CRTC1: variants seen among roughly 807,000 people sequenced by gnomAD.
The protein encoded by CRTC1 is CREB-regulated transcription coactivator 1.
In CRTC1, 18 loss-of-function variants were observed where a neutral mutation model predicts 66.1. That is an observed-to-expected ratio of 0.27 (90% CI 0.19 to 0.40). The LOEUF is 0.40. Among genes scored for constraint, CRTC1 ranks in the 10% least tolerant of loss-of-function variants. CRTC1 has a pLI of 1.00. For missense variants in CRTC1, 669 were observed against 887.9 expected, an observed-to-expected ratio of 0.75 and a Z score of 3.13; for synonymous variants, 416 against 398.8, an observed-to-expected ratio of 1.04 and a Z score of -0.51.
chr19:18,746,998 G>A, intron 3 of CRTC1, 55 bp from the exon 4 acceptor site: 1 of 1,544,886 alleles, frequency 6.5e-7, no homozygotes, highest in Non-Finnish European at 8.9e-7. Context: ...GGCTGAGAGT[G>A]TGTTGTTGGA....
In CRTC1 at chr19:18,747,129, A is replaced by AACCC. The variant is rs2054259504; in HGVS notation, c.443+15_443+16insACCC. 1.4e-5 allele frequency: 15 copies of AACCC among 1,109,950 alleles called. No homozygotes were observed. Among genetic ancestry groups the AACCC allele is most frequent in the East Asian group, 6.1e-5 (2 of 32,682 alleles). 68.8% of individuals were successfully genotyped at this position (1,109,950 alleles called of 1,614,324 possible). On this transcript the variant is annotated intron_variant, in intron 4 of 13. Transcript: ENST00000321949. ...AGCTGGAGAAGGTCAGTGGCTGGAC[A>AACCC]CCCCCCCCCCGCCCCCTTCTTGTTG... is the stretch of plus-strand genomic sequence containing the variant.
intron 1 of CRTC1, among the ~76,000 whole-genome samples, chr19:18,742,205 C>T (rs959300740): frequency 9.9e-5 from 15 of 152,170 alleles, no homozygotes; most frequent in Admixed American, 1.3e-4. Context: ...TCAGAGTCAG[C>T]GTGACCCATC....
intron 8 of CRTC1, among the ~76,000 whole-genome samples, chr19:18,763,995 C>T (rs1040813397): frequency 1.3e-5 from 2 of 152,152 alleles, no homozygotes; most frequent in African/African-American, 4.8e-5. Context: ...CCAGGGCCTG[C>T]AAAGGGCGCT....
rs747279199 is a variant in CRTC1, at chr19:18,753,526, G to A, written c.565G>A (p.Glu189Lys). The change falls in exon 6 of 14, where the codon GAA becomes AAA. Residue 189 changes from glutamate to lysine, a missense_variant. By Grantham distance (56) the Glu-to-Lys change is moderately conservative (BLOSUM62 1). Coordinates refer to ENST00000321949, the MANE Select transcript of CRTC1 (RefSeq NM_015321.3). ...RVLLLTVPGM[E>K]ETTSEADKNL... ...CTTACTGTTAACAGTCCCAGGAATG[G>A]AAGAGACCACATCAGAGGCAGACAA... is the stretch of plus-strand genomic sequence containing the variant. 1.2e-6 allele frequency: 2 copies of A among 1,612,982 alleles called. No individual in the cohort carries two copies. Among genetic ancestry groups the A allele is most frequent in the South Asian group, 2.2e-5 (2 of 90,948 alleles).
intron 1 of CRTC1, 37 bp downstream of exon 1, chr19:18,683,865 C>CGGAG (rs758202111): frequency 4.7e-6 from 5 of 1,058,796 alleles, no homozygotes; most frequent in Admixed American, 4.3e-5. Context: ...TCAGGGCCGG[C>CGGAG]GGAGGGAGGG....
intron 1 of CRTC1, among the ~76,000 whole-genome samples, chr19:18,723,339 C>T (rs148292874): frequency 3.9e-5 from 6 of 152,258 alleles, no homozygotes; most frequent in South Asian, 2.1e-4. Context: ...GTCCACCTAC[C>T]GTTTGTAAGT....
At chr19:18,701,200 G>A (rs1421856930) in intron 1 of CRTC1, among the ~76,000 whole-genome samples, 2 of 152,230 alleles carry the variant, frequency 1.3e-5, no homozygotes, top group Admixed American at 6.5e-5. Flanking sequence ...CTGCCTGCTC[G>A]CGGGCCCGCC....
chr19:18,728,060 G>A (rs1201563162), intron 1 of CRTC1, among the ~76,000 whole-genome samples: 4 of 152,064 alleles, frequency 2.6e-5, no homozygotes, highest in African/African-American at 9.7e-5. Context: ...GAGCTGTGCG[G>A]GAAACATCTC....
Position 18,771,792 on chromosome 19 carries a change from C to T in CRTC1, c.1425+246C>T, listed in dbSNP as rs2054875219. ...CTGCTGAACACTAGGTGGGGGTGTG[C>T]GTTAGTGACATTAGCGATGGCTGTG... On this transcript the variant is annotated intron_variant, in intron 11 of 13. Coordinates refer to ENST00000321949, the MANE Select transcript of CRTC1 (RefSeq NM_015321.3). The surrounding 1 kb of genome is among the most constrained non-coding windows in gnomAD (Gnocchi z 4.6). 6.6e-6 allele frequency among the ~76,000 whole-genome samples: 1 copy of T among 152,168 alleles called. No homozygotes were observed. The highest frequency in any genetic ancestry group is 2.4e-5 in the African/African-American group (1 of 41,420).
At chr19:18,690,217 G>C (rs1034972586) in intron 1 of CRTC1, among the ~76,000 whole-genome samples, 1 of 152,092 alleles carries the variant, frequency 6.6e-6, no homozygotes, top group African/African-American at 2.4e-5. Context: ...AGGCAAGACA[G>C]TCATGGTGGC....
intron 1 of CRTC1, among the ~76,000 whole-genome samples, chr19:18,696,961 G>C (rs1168344499): frequency 6.6e-6 from 1 of 152,044 alleles, no homozygotes; most frequent in East Asian, 1.9e-4. Flanking sequence ...CTTCACCTTG[G>C]AGCTCATGGG....
chr19:18,747,285 G>A, intron 4 of CRTC1, among the ~76,000 whole-genome samples, 171 bp downstream of exon 4: 1 of 152,122 alleles, frequency 6.6e-6, no homozygotes, highest in East Asian at 1.9e-4. Flanking sequence ...AGGAGTTCCA[G>A]CTTTGGGAGG....
intron 1 of CRTC1, among the ~76,000 whole-genome samples, chr19:18,740,170 T>A (rs1470549432): frequency 2.0e-5 from 3 of 151,892 alleles, no homozygotes; most frequent in African/African-American, 7.3e-5. Flanking sequence ...AGAGAATCGC[T>A]TGAACCCTGG....
rs775256338 is a variant in CRTC1, at chr19:18,775,697, G to A, written c.1569G>A (p.Pro523=). 5.5e-5 allele frequency: 88 copies of A among 1,612,488 alleles called. 1 individual carries two copies. The highest frequency in any genetic ancestry group is 7.0e-5 in the Non-Finnish European group (83 of 1,179,786). ...TCAGCTCCAGCAGCCTGTACAGCCCGGGCTCCACACTCAACTACTCGCAGG... is the reference window on the plus strand; with the variant it reads ...TCAGCTCCAGCAGCCTGTACAGCCCAGGCTCCACACTCAACTACTCGCAGG... ...NAISSSSLYS[P]GSTLNYSQAA... is the part of the protein sequence containing the mutation. Residue 523 remains proline (P), a synonymous_variant, in exon 13 of 14, where the codon CCG becomes CCA. Coordinates refer to ENST00000321949, the MANE Select transcript of CRTC1 (RefSeq NM_015321.3).
At chr19:18,731,538 C>T (rs985482855) in intron 1 of CRTC1, among the ~76,000 whole-genome samples, 2 of 152,222 alleles carry the variant, frequency 1.3e-5, no homozygotes, top group Non-Finnish European at 2.9e-5. Context: ...AATAAGGTCA[C>T]GTTCCGAGGT....
chr19:18,780,846 C>T lies in CRTC1; in HGVS notation c.*3464C>T. 4.5e-6 allele frequency: 1 copy of T among 223,402 alleles called. No homozygotes were observed. Among genetic ancestry groups the T allele is most frequent in the Non-Finnish European group, 8.9e-6 (1 of 111,930 alleles). 13.8% of individuals were successfully genotyped at this position (223,402 alleles called of 1,614,324 possible). A position where few individuals can be genotyped will look rare whatever the true frequency, so the allele number is the denominator to read the frequency against. The stretch of plus-strand genomic sequence containing the variant: ...TGCCCAGCATCCCAGGCCTGAACAG[C>T]CTTGGCAGGACCCGTCCCTAGAGGG... On this transcript the variant is annotated 3_prime_UTR_variant, in exon 14 of 14. Coordinates refer to ENST00000321949, the MANE Select transcript of CRTC1 (RefSeq NM_015321.3).
At chr19:18,718,956 A>G (rs1434469019) in intron 1 of CRTC1, among the ~76,000 whole-genome samples, 2 of 152,204 alleles carry the variant, frequency 1.3e-5, no homozygotes, top group East Asian at 3.9e-4. Context: ...GAATGAATAA[A>G]GAGAAGAAAA....
chr19:18,684,165 CATT>C (rs1331208517), intron 1 of CRTC1, among the ~76,000 whole-genome samples: 1 of 151,760 alleles, frequency 6.6e-6, no homozygotes, highest in Non-Finnish European at 1.5e-5. Context: ...GTCCCTACAT[CATT>C]GTTACCCGAG....
At chr19:18,728,814 C>CTTTTTTTTTTTTTTTTTTTTTTT (rs1319066165) in intron 1 of CRTC1, among the ~76,000 whole-genome samples, 1 of 59,916 alleles carries the variant, frequency 1.7e-5, no homozygotes, top group African/African-American at 8.6e-5. Flanking sequence ...CCTCACCTGG[C>CTTTTTTTTTTTTTTTTTTTTTTT]CTTTTTTTTT....
Sources: allele counts gnomAD v4.1 joint callset (sites outside exome capture counted in the v4.1 genomes callset), GRCh38; gene constraint gnomAD v4.1.1; non-coding constraint Gnocchi (gnomAD v3.1); transcripts MANE v1.5; gene names NCBI Gene and HGNC (gene_info 2026-07-23, HGNC 2026-07-21).